GALNT9: variants seen among roughly 807,000 people sequenced by gnomAD.
GALNT9 encodes GalNAc transferase 9.
GALNT9 carries 47 observed loss-of-function variants against 63.1 expected under a neutral mutation model. That is an observed-to-expected ratio of 0.75 (90% CI 0.59 to 0.95). The LOEUF (loss-of-function observed/expected upper bound fraction) is 0.95. GALNT9 is among the 40% of genes least tolerant of loss of function. The pLI, the probability that GALNT9 is intolerant of heterozygous loss-of-function variation, is 0.00. For missense variants in GALNT9, 829 were observed against 874.8 expected (o/e 0.95, Z 0.66); for synonymous variants, 396 against 365.7 (o/e 1.08, Z -0.94).
chr12:132,304,294 C>G (rs1345242215), intron 1 of GALNT9, among the ~76,000 whole-genome samples: 1 of 94,476 alleles, frequency 1.1e-5, no homozygotes, highest in Non-Finnish European at 2.0e-5. Context: ...CACCCTCGCC[C>G]GGACACACCC....
At chr12:132,285,724 C>T (rs1201882585) in intron 2 of GALNT9, among the ~76,000 whole-genome samples, 1 of 152,270 alleles carries the variant, frequency 6.6e-6, no homozygotes, top group African/African-American at 2.4e-5. Context: ...TGCCTCAGCC[C>T]AGCTTCCGTG....
intron 9 of GALNT9, among the ~76,000 whole-genome samples, chr12:132,198,634 G>C (rs1875744735): frequency 2.0e-5 from 3 of 152,142 alleles, no homozygotes; most frequent in Non-Finnish European, 4.4e-5. Context: ...TGCACCCCCA[G>C]CCCATCTGAC....
At chr12:132,206,829 G>C (rs1293790640) in intron 6 of GALNT9, among the ~76,000 whole-genome samples, 1 of 152,132 alleles carries the variant, frequency 6.6e-6, no homozygotes, top group Non-Finnish European at 1.5e-5. Context: ...CATACCCCGT[G>C]AACGGGGACA....
At chr12:132,295,771 C>G (rs1441805736) in intron 1 of GALNT9, among the ~76,000 whole-genome samples, 1 of 151,950 alleles carries the variant, frequency 6.6e-6, no homozygotes, top group Non-Finnish European at 1.5e-5. Flanking sequence ...ACAGCGAGAG[C>G]TTCCGAACAG....
rs1181380420 is a variant in GALNT9 at position 132,246,450 on chromosome 12, TGTAA to T, written c.1077+1456_1077+1459del. 6.6e-6 allele frequency among the ~76,000 whole-genome samples: 1 copy of T among 152,204 alleles called. No homozygotes were observed. Among genetic ancestry groups the T allele is most frequent in the African/African-American group, 2.4e-5 (1 of 41,452 alleles). ...TTAAAAGAAAATAAAACACTATGTT[TGTAA>T]GTGCCATTTTTAAAAGGCTCAAGGG... On this transcript the variant is annotated intron_variant, in intron 6 of 10. Coordinates refer to ENST00000328957, the MANE Select transcript of GALNT9 (RefSeq NM_001122636.2). The surrounding 1 kb of genome is among the most constrained non-coding windows in gnomAD (Gnocchi z 4.7).
intron 1 of GALNT9, among the ~76,000 whole-genome samples, chr12:132,306,993 G>C (rs976262234): frequency 6.6e-6 from 1 of 152,138 alleles, no homozygotes; most frequent in Non-Finnish European, 1.5e-5. Flanking sequence ...CATGGGGGCT[G>C]ACTCTGTGAG....
At chr12:132,226,579 CCCACACACATACACA>C (rs1380122795) in intron 6 of GALNT9, among the ~76,000 whole-genome samples, 8 of 148,250 alleles carry the variant, frequency 5.4e-5, no homozygotes, top group East Asian at 4.1e-4. Context: ...CCACATACAC[CCCACACACATACACA>C]CCACACACCC....
At chr12:132,207,428 C>G (rs547535357) in intron 6 of GALNT9, among the ~76,000 whole-genome samples, 186 of 152,330 alleles carry the variant, frequency 1.2e-3, no homozygotes, top group African/African-American at 4.2e-3. Context: ...GGCGCTGGGG[C>G]GATTCCACAT....
Position 132,247,818 on chromosome 12 carries a change from GACACCGCGGCCTC to G in GALNT9, c.1077+79_1077+91del, listed in dbSNP as rs1555238194. ...CACACTCGCCCTCACCCCGTCCCCG[GACACCGCGGCCTC>G]ACTCGCCCTCATCCTGTTCCCAGAC... On this transcript the variant is annotated intron_variant, in intron 6 of 10. Coordinates refer to ENST00000328957, the MANE Select transcript of GALNT9 (RefSeq NM_001122636.2). The G allele has an allele frequency of 1.2e-5, 18 of 1,531,464 alleles. No individual in the cohort carries two copies. In the East Asian group the frequency reaches 4.4e-4, roughly 38 times the overall value. The allele number at this position is 1,531,464 out of a possible 1,614,324, so 94.9% of individuals were successfully genotyped here. A position where few individuals can be genotyped will look rare whatever the true frequency, so the allele number is the denominator to read the frequency against.
rs1289661263 is a variant in GALNT9 at position 132,238,904 on chromosome 12, T to C, written c.1077+9006A>G. On this transcript the variant is annotated intron_variant, in intron 6 of 10. Coordinates refer to ENST00000328957, the MANE Select transcript of GALNT9 (RefSeq NM_001122636.2). The surrounding 1 kb of genome is among the most constrained non-coding windows in gnomAD (Gnocchi z 6.5). The stretch of plus-strand genomic sequence containing the variant: ...GAGGACCATTATCTCTTGCCAAAAA[T>C]GAGAGATAACTGTACAAATAAATAC... 6.6e-6 allele frequency among the ~76,000 whole-genome samples: 1 copy of C among 152,092 alleles called. No homozygotes were observed. Among genetic ancestry groups the C allele is most frequent in the Non-Finnish European group, 1.5e-5 (1 of 68,000 alleles).
At chr12:132,267,800 C>CACACGCACTCACACAGACACACACAT (rs138324682) in intron 2 of GALNT9, among the ~76,000 whole-genome samples, 1 of 140,020 alleles carries the variant, frequency 7.1e-6, no homozygotes, top group African/African-American at 3.0e-5. Flanking sequence ...CGCACTCACA[C>CACACGCACTCACACAGACACACACAT]GCACTCACAC....
intron 9 of GALNT9, among the ~76,000 whole-genome samples, chr12:132,198,595 G>A (rs985980135): frequency 1.3e-5 from 2 of 152,152 alleles, no homozygotes; most frequent in African/African-American, 2.4e-5. Context: ...AAGTGCTGTT[G>A]CCGTCTCTCT....
chr12:132,289,813 C>T (rs995696437), intron 1 of GALNT9, among the ~76,000 whole-genome samples: 4 of 152,228 alleles, frequency 2.6e-5, no homozygotes, highest in Admixed American at 6.5e-5. Context: ...CTGCTGCCCA[C>T]TGAGCTGCCT....
At chr12:132,293,434 T>C (rs1200849775) in intron 1 of GALNT9, among the ~76,000 whole-genome samples, 2 of 152,188 alleles carry the variant, frequency 1.3e-5, no homozygotes, top group African/African-American at 4.8e-5. Context: ...TTAATACCTA[T>C]TGACGATTCT....
At chr12:132,272,109 G>A (rs1555240788) in intron 2 of GALNT9, among the ~76,000 whole-genome samples, 1 of 152,228 alleles carries the variant, frequency 6.6e-6, no homozygotes, top group Non-Finnish European at 1.5e-5. Context: ...CAGCCCCAGA[G>A]CGGTCGGGGG....
chr12:132,230,404 C>A (rs910958329), intron 6 of GALNT9, among the ~76,000 whole-genome samples: 2 of 152,202 alleles, frequency 1.3e-5, no homozygotes, highest in Non-Finnish European at 2.9e-5. Flanking sequence ...GGGTACAAAC[C>A]AACTGCAGGG....
At position 132,201,191 on chromosome 12, in the gene GALNT9, A is replaced by T; in HGVS notation, c.1334T>A (p.Phe445Tyr). The T allele has an allele frequency of 6.2e-7, 1 of 1,613,226 alleles. No homozygotes were observed. Among genetic ancestry groups the T allele is most frequent in the Non-Finnish European group, 8.5e-7 (1 of 1,179,426 alleles). ...GTACACGTTCTCCAGGTACCACTTG[A>T]AGCTGCGACACTTCAGCCTCTGACG... ...ALRQRLKCRSFKWYLENVYPE... is the reference protein window; with the variant it reads ...ALRQRLKCRSYKWYLENVYPE... The change falls in exon 8 of 11, where the codon TTC (phenylalanine) becomes TAC (tyrosine). Residue 445 changes from phenylalanine to tyrosine, a missense_variant. Phe to Tyr is a conservative substitution (Grantham distance 22, BLOSUM62 3). Coordinates refer to ENST00000328957, the MANE Select transcript of GALNT9 (RefSeq NM_001122636.2).
chr12:132,287,068 C>CG (rs1566013662), intron 1 of GALNT9, among the ~76,000 whole-genome samples: 2 of 108,134 alleles, frequency 1.8e-5, no homozygotes, highest in Non-Finnish European at 4.6e-5. Context: ...CGCCCCCCCC[C>CG]CCCCCCGTGA....
At chr12:132,224,898 G>A (rs1443438523) in intron 6 of GALNT9, among the ~76,000 whole-genome samples, 9 of 121,984 alleles carry the variant, frequency 7.4e-5, no homozygotes, top group Non-Finnish European at 1.0e-4. Flanking sequence ...AATCCACACT[G>A]CACACACTGT....
Sources: gnomAD v4.1 joint callset for allele counts (sites outside exome capture counted in the v4.1 genomes callset) on GRCh38, gnomAD v4.1.1 for gene constraint, Gnocchi (gnomAD v3.1) non-coding constraint, MANE v1.5 for transcripts, NCBI Gene and HGNC (gene_info 2026-07-23, HGNC 2026-07-21) for gene names.